NPM2: variants seen among roughly 807,000 people sequenced by gnomAD.
The protein encoded by NPM2 is nucleoplasmin-2.
In NPM2, 25 loss-of-function variants were observed where a neutral mutation model predicts 32.0. The ratio of observed to expected loss-of-function variants is 0.78; its 90% confidence interval spans 0.57 to 1.09. The LOEUF (loss-of-function observed/expected upper bound fraction) is 1.09, where lower values mean the gene tolerates loss of function less well. NPM2 is among the 50% of genes least tolerant of loss of function. NPM2 has a pLI of 0.00. For synonymous variants in NPM2, 111 were observed against 94.2 expected, an observed-to-expected ratio of 1.18 and a Z score of -1.04; for missense variants, 282 against 259.9, an observed-to-expected ratio of 1.08 and a Z score of -0.58.
Position 22,025,212 on chromosome 8 carries a change from G to T in NPM2, c.-33-4G>T. ...AAGGCCTCACGCGGGCGCCCTCCTT[G>T]CAGCTGCCCGGCCAGCCCGCTTCTC... On this transcript the variant is annotated splice_polypyrimidine_tract_variant and splice_region_variant and intron_variant, in intron 2 of 9. Coordinates refer to ENST00000518119, the MANE Select transcript of NPM2 (RefSeq NM_001286680.2). 5 of 1,602,536 alleles carry T rather than the reference G, an allele frequency of 3.1e-6. No homozygotes were observed. Among genetic ancestry groups the T allele is most frequent in the South Asian group, 2.2e-5 (2 of 89,250 alleles).
At chr8:22,032,261 G>A (rs927807518) in intron 5 of NPM2, among the ~76,000 whole-genome samples, 5 of 152,210 alleles carry the variant, frequency 3.3e-5, no homozygotes, top group African/African-American at 1.2e-4. Context: ...ACTATCGACT[G>A]ACAATTATGG....
intron 5 of NPM2, among the ~76,000 whole-genome samples, chr8:22,032,030 G>C (rs1244445235): frequency 6.6e-6 from 1 of 152,142 alleles, no homozygotes; most frequent in East Asian, 1.9e-4. Flanking sequence ...TTTGAACTTA[G>C]AGTTTAGAAG....
intron 6 of NPM2, among the ~76,000 whole-genome samples, chr8:22,033,675 C>T (rs1800517365): frequency 6.6e-6 from 1 of 152,192 alleles, no homozygotes; most frequent in Non-Finnish European, 1.5e-5. Context: ...CATCAGGGTA[C>T]TCTCCTGCTA....
intron 8 of NPM2, 182 bp from the exon 9 acceptor site, chr8:22,036,311 C>A: frequency 1.7e-6 from 1 of 573,888 alleles, no homozygotes; most frequent in Non-Finnish European, 3.1e-6. Context: ...CTAAGGAAAA[C>A]ACATATGCGT....
rs763248763 is a variant in NPM2, at chr8:22,033,218, G to A, written c.359G>A (p.Arg120His). 21 of 1,613,532 alleles carry A rather than the reference G, an allele frequency of 1.3e-5. No individual in the cohort carries two copies. Among genetic ancestry groups the A allele is most frequent in the Middle Eastern group, 1.6e-4 (1 of 6,084 alleles). Residue 120 changes from arginine (R) to histidine (H), a missense_variant, in exon 6 of 10, where the codon CGT (arginine) becomes CAT (histidine). Arg to His is a conservative substitution (Grantham distance 29). Coordinates refer to ENST00000518119, the MANE Select transcript of NPM2 (RefSeq NM_001286680.2). ...CCCGTGTTCCTCAGTGGCCAGGAAC[G>A]TTATGGTAAGTCAGAGCCTGCGATC... Reference protein sequence around the residue: ...SGPVFLSGQERYEASDLTWEE... With the variant: ...SGPVFLSGQEHYEASDLTWEE...
intron 8 of NPM2, among the ~76,000 whole-genome samples, chr8:22,035,060 G>A (rs1380064648): frequency 2.6e-5 from 4 of 152,164 alleles, no homozygotes; most frequent in South Asian, 2.1e-4. Context: ...CCGAGATCGT[G>A]CCACTGCGCT....
At chr8:22,026,817 G>A (rs1355729146) in intron 5 of NPM2, among the ~76,000 whole-genome samples, 2 of 152,032 alleles carry the variant, frequency 1.3e-5, no homozygotes, top group Non-Finnish European at 2.9e-5. Context: ...TGGAATATTG[G>A]GTGAACATGA....
chr8:22,033,054 T>C (rs1800491296), intron 5 of NPM2, 76 bp from the exon 6 acceptor site: 1 of 1,043,532 alleles, frequency 9.6e-7, no homozygotes, highest in Non-Finnish European at 1.5e-6. Flanking sequence ...ATCAACTCAG[T>C]ATTTCTGCCT....
rs779416946 is a variant in NPM2, at chr8:22,025,755, G to A, written c.253G>A (p.Ala85Thr). The change falls in exon 5 of 10, where the codon GCC becomes ACC. Residue 85 changes from alanine to threonine, a missense_variant. Physicochemically the swap from Ala to Thr is moderately conservative, Grantham distance 58. Coordinates refer to ENST00000518119, the MANE Select transcript of NPM2 (RefSeq NM_001286680.2). Reference protein sequence around the residue: ...MQPVTIASLQASVLPMVSMVG... With the variant: ...MQPVTIASLQTSVLPMVSMVG... The stretch of plus-strand genomic sequence containing the variant: ...GCCGGTCACCATTGCCTCACTCCAG[G>A]CCTCAGTCCTCCCCATGGTGCGCAT... 1.9e-6 allele frequency: 3 copies of A among 1,614,080 alleles called. No homozygotes were observed. The highest frequency in any genetic ancestry group is 1.7e-6 in the Non-Finnish European group (2 of 1,180,010).
At chr8:22,025,054 G>T (rs1288016346) in intron 2 of NPM2, 162 bp from the exon 3 acceptor site, 3 of 584,586 alleles carry the variant, frequency 5.1e-6, no homozygotes, top group Non-Finnish European at 8.8e-6. Context: ...TAGGAGGTGG[G>T]TACTCGTCCT....
At chr8:22,033,326 A>G in intron 6 of NPM2, 103 bp downstream of exon 6, 1 of 951,664 alleles carries the variant, frequency 1.1e-6, no homozygotes, top group Non-Finnish European at 1.7e-6. Context: ...TGAATGTTGG[A>G]AGAAAATCCC....
intron 5 of NPM2, among the ~76,000 whole-genome samples, chr8:22,027,109 T>A (rs540702187): frequency 6.6e-6 from 1 of 152,340 alleles, no homozygotes; most frequent in East Asian, 1.9e-4. Context: ...ATTCTAGATT[T>A]GTTTTACTCA....
chr8:22,025,008 T>C (rs1228781924), intron 2 of NPM2, 178 bp downstream of exon 2: 8 of 541,942 alleles, frequency 1.5e-5, no homozygotes, highest in Admixed American at 3.7e-5. Context: ...CGCTGTCCTG[T>C]ACGCGCCCGG....
rs1800539091 is a variant in NPM2 at position 22,034,191 on chromosome 8, G to C, written c.447G>C (p.Glu149Asp). 1 of 1,613,026 alleles carries C rather than the reference G, an allele frequency of 6.2e-7. No homozygotes were observed. Among genetic ancestry groups the C allele is most frequent in the African/African-American group, 1.3e-5 (1 of 74,912 alleles). Residue 149 changes from glutamate (E) to aspartate (D), a missense_variant, in exon 7 of 10, where the codon GAG (glutamate) becomes GAC (aspartate). Glu to Asp is a conservative substitution (Grantham distance 45). Coordinates refer to ENST00000518119, the MANE Select transcript of NPM2 (RefSeq NM_001286680.2). ...EEEEEEDDED[E>D]DADISLEEQS... Reference sequence around the variant, plus strand: ...AGGAAGAGGAAGATGATGAGGATGAGGATGCAGATATATCTCTGGAGGAGC... The same window carrying C: ...AGGAAGAGGAAGATGATGAGGATGACGATGCAGATATATCTCTGGAGGAGC...
At chr8:22,029,928 G>C (rs1563353868) in intron 5 of NPM2, among the ~76,000 whole-genome samples, 1 of 152,136 alleles carries the variant, frequency 6.6e-6, no homozygotes, top group Non-Finnish European at 1.5e-5. Flanking sequence ...GATGTGTTCA[G>C]GTGTAGATTT....
At position 22,024,236 on chromosome 8, in the gene NPM2, AC is replaced by A. The variant is rs1800152117; in HGVS notation, c.-527del. ...CGCGGGAGATCTCACCGTTCTGGAG[AC>A]AGGGCTCGCTCGCTCTCACGGTAGG... On this transcript the variant is annotated 5_prime_UTR_variant, in exon 1 of 10. Coordinates refer to ENST00000518119, the MANE Select transcript of NPM2 (RefSeq NM_001286680.2). 6.6e-6 allele frequency: 1 copy of A among 152,198 alleles called. No homozygotes were observed. Among genetic ancestry groups the A allele is most frequent in the African/African-American group, 2.4e-5 (1 of 41,402 alleles). 9.4% of individuals were successfully genotyped at this position (152,198 alleles called of 1,614,324 possible). A position where few individuals can be genotyped will look rare whatever the true frequency, so the allele number is the denominator to read the frequency against.
chr8:22,035,456 T>A (rs932779186), intron 8 of NPM2, among the ~76,000 whole-genome samples: 1 of 152,100 alleles, frequency 6.6e-6, no homozygotes, highest in African/African-American at 2.4e-5. Flanking sequence ...AAGTTTTGTG[T>A]AGAGACAGGG....
rs1340165744 is a variant in NPM2, at chr8:22,036,770, CTG to C, written c.*92_*93del. 2 of 1,358,742 alleles carry C rather than the reference CTG, an allele frequency of 1.5e-6. No homozygotes were observed. The highest frequency in any genetic ancestry group is 2.0e-6 in the Non-Finnish European group (2 of 1,010,470). 84.2% of individuals were successfully genotyped at this position (1,358,742 alleles called of 1,614,324 possible). ...GGGTGCCCCTGTCCAGCCCCTCCAC[CTG>C]TGTCTGAATGCAACAGGGGTGTTGC... On this transcript the variant is annotated 3_prime_UTR_variant, in exon 10 of 10. Coordinates refer to ENST00000518119, the MANE Select transcript of NPM2 (RefSeq NM_001286680.2).
At chr8:22,033,301 C>A in intron 6 of NPM2, 78 bp downstream of exon 6, 2 of 1,076,276 alleles carry the variant, frequency 1.9e-6, no homozygotes, top group Non-Finnish European at 2.9e-6. Flanking sequence ...GCTACTCAAA[C>A]ACTGGAGGGA....
Sources: allele counts gnomAD v4.1 joint callset (sites outside exome capture counted in the v4.1 genomes callset), GRCh38; gene constraint gnomAD v4.1.1; transcripts MANE v1.5; gene names NCBI Gene and HGNC (gene_info 2026-07-23, HGNC 2026-07-21).